Variants in ECPAS observed in about 807,000 individuals in gnomAD.
ECPAS encodes Ecm29 proteasome adaptor and scaffold.
A neutral mutation model predicts 255.1 loss-of-function variants in ECPAS; 70 were observed. The observed-to-expected ratio is 0.27, with a 90% CI of 0.23 to 0.33. The LOEUF is 0.33. Ranked by LOEUF, ECPAS falls within the 10% of genes least tolerant of loss-of-function variation. The pLI is 1.00. For missense variants in ECPAS, 1,817 were observed against 2,206.4 expected, an observed-to-expected ratio of 0.82 and a Z score of 3.54; for synonymous variants, 784 against 775.0, an observed-to-expected ratio of 1.01 and a Z score of -0.19.
Position 111,455,657 on chromosome 9 carries a change from AG to A in ECPAS, c.23-4103del, listed in dbSNP as rs578053429. On this transcript the variant is annotated intron_variant, in intron 2 of 49. Coordinates refer to ENST00000684092, the MANE Select transcript of ECPAS (RefSeq NM_001364929.1). Reference sequence around the variant, plus strand: ...TTATGCTGAACATCAGCTTCCCTTCAGGGCGGAATTTTGGTACATTTTAGGA... The same window carrying A: ...TTATGCTGAACATCAGCTTCCCTTCAGGCGGAATTTTGGTACATTTTAGGA... Among the ~76,000 whole-genome samples, 4 of 152,298 alleles carry A rather than the reference AG, an allele frequency of 2.6e-5. No individual in the cohort carries two copies. The South Asian group carries it at 8.3e-4, about 32-fold the overall frequency.
chr9:111,392,741 A>C (rs750767200), intron 28 of ECPAS, 27 bp downstream of exon 28: 1 of 1,477,014 alleles, frequency 6.8e-7, no homozygotes, highest in Non-Finnish European at 9.4e-7. Context: ...TATGGGCTTG[A>C]ATCTAAAATT....
intron 16 of ECPAS, among the ~76,000 whole-genome samples, chr9:111,419,788 T>A (rs2098210432): frequency 1.3e-5 from 2 of 149,794 alleles, no homozygotes; most frequent in South Asian, 4.2e-4. Context: ...ATATTACACA[T>A]ATATATCTAC....
At chr9:111,483,381 C>G (rs1218825891) in intron 1 of ECPAS, 2 of 290,870 alleles carry the variant, frequency 6.9e-6, no homozygotes, top group Non-Finnish European at 1.0e-5. Flanking sequence ...CCCAGCTCCC[C>G]GTACGCCGCG....
intron 2 of ECPAS, among the ~76,000 whole-genome samples, chr9:111,468,280 A>C (rs2098281929): frequency 6.6e-6 from 1 of 152,200 alleles, no homozygotes; most frequent in Admixed American, 6.5e-5. Flanking sequence ...TCCAATTTAC[A>C]GTTGAGGAAA....
At chr9:111,466,610 AC>A (rs2098279872) in intron 2 of ECPAS, among the ~76,000 whole-genome samples, 12 of 131,044 alleles carry the variant, frequency 9.2e-5, no homozygotes, top group Non-Finnish European at 1.6e-4. Flanking sequence ...AATATAAATA[AC>A]TAAATACACA....
chr9:111,396,950 TG>T (rs1262663350), intron 25 of ECPAS, 79 bp downstream of exon 25: 18 of 1,532,384 alleles, frequency 1.2e-5, no homozygotes, highest in Middle Eastern at 3.4e-4. Context: ...GAATGTGTAA[TG>T]TTTTTGCCTC....
intron 2 of ECPAS, among the ~76,000 whole-genome samples, chr9:111,468,317 C>T (rs2098281971): frequency 1.3e-5 from 2 of 152,074 alleles, no homozygotes; most frequent in Admixed American, 1.3e-4. Flanking sequence ...TTCTGTTGAC[C>T]AAGATTCCAA....
intron 24 of ECPAS, among the ~76,000 whole-genome samples, chr9:111,405,818 A>G (rs1199178758): frequency 2.0e-5 from 3 of 149,814 alleles, no homozygotes; most frequent in Non-Finnish European, 4.4e-5. Context: ...TGATAGAAAT[A>G]CAGAGAAAAA....
Position 111,389,639 on chromosome 9 carries a change from A to G in ECPAS, c.3364T>C (p.Tyr1122His). 6.2e-7 allele frequency: 1 copy of G among 1,613,976 alleles called. No homozygotes were observed. The highest frequency in any genetic ancestry group is 8.5e-7 in the Non-Finnish European group (1 of 1,179,860). The stretch of plus-strand genomic sequence containing the variant: ...AGGTTGGGATCAAACTGGTAACGAT[A>G]AAGTCGAGGAACTAGCTGAGGCAGA... The part of the protein sequence containing the change: ...PFLPQLVPRL[Y>H]RYQFDPNLGI... Residue 1122 changes from tyrosine (Y) to histidine (H), a missense_variant, in exon 31 of 50, where the codon TAT (tyrosine) becomes CAT (histidine). Transcript: ENST00000684092.
At chr9:111,458,297 T>G (rs1330078299) in intron 2 of ECPAS, among the ~76,000 whole-genome samples, 1 of 152,208 alleles carries the variant, frequency 6.6e-6, no homozygotes, top group African/African-American at 2.4e-5. Flanking sequence ...ATAAGAATGT[T>G]GTGAAACATT....
intron 35 of ECPAS, 84 bp from the exon 36 acceptor site, chr9:111,378,814 G>A (rs2098136745): frequency 7.5e-7 from 1 of 1,333,462 alleles, no homozygotes; most frequent in African/African-American, 1.5e-5. Context: ...ATGTTCTGCA[G>A]TTCACTGCAT....
intron 31 of ECPAS, among the ~76,000 whole-genome samples, 197 bp from the exon 32 acceptor site, chr9:111,386,653 TTC>T: frequency 6.6e-6 from 1 of 152,282 alleles, no homozygotes; most frequent in East Asian, 1.9e-4. Context: ...CAGGTGATCA[TTC>T]TAAAATGTAC....
rs1210144979 is a variant in ECPAS, at chr9:111,451,377, A to T, written c.153+48T>A. 3 of 1,517,616 alleles carry T rather than the reference A, an allele frequency of 2.0e-6. No homozygotes were observed. In the East Asian group the frequency reaches 7.3e-5, roughly 37 times the overall value. The allele number at this position is 1,517,616 out of a possible 1,614,324, so 94.0% of individuals were successfully genotyped here. ...ACAGAAAACTCACTTGATAATGTAT[A>T]TTCATTTATTCATCATTTAATTCCC... On this transcript the variant is annotated intron_variant, in intron 3 of 49. Transcript: ENST00000684092.
intron 2 of ECPAS, among the ~76,000 whole-genome samples, chr9:111,470,316 C>T (rs1024657198): frequency 7.0e-6 from 1 of 143,478 alleles, no homozygotes; most frequent in African/African-American, 2.5e-5. Context: ...TTTCCCTGGC[C>T]TTTTTTTTTT....
intron 15 of ECPAS, among the ~76,000 whole-genome samples, 159 bp from the exon 16 acceptor site, chr9:111,420,279 A>G (rs1022716849): frequency 1.3e-5 from 2 of 152,246 alleles, no homozygotes; most frequent in African/African-American, 4.8e-5. Context: ...AAATTAAATA[A>G]ATCATTTGTT....
intron 2 of ECPAS, among the ~76,000 whole-genome samples, chr9:111,452,473 G>A (rs1357007617): frequency 6.6e-6 from 1 of 152,056 alleles, no homozygotes; most frequent in South Asian, 2.1e-4. Flanking sequence ...AGATAAAGAT[G>A]GAAATATTTG....
intron 20 of ECPAS, 108 bp from the exon 21 acceptor site, chr9:111,412,256 G>GA (rs1419154576): frequency 3.2e-5 from 29 of 918,908 alleles, no homozygotes; most frequent in Non-Finnish European, 3.9e-5. Flanking sequence ...TGGATATTGA[G>GA]AAAAAAACAA....
At chr9:111,461,842 G>A (rs1411409018) in intron 2 of ECPAS, among the ~76,000 whole-genome samples, 3 of 152,200 alleles carry the variant, frequency 2.0e-5, no homozygotes, top group Non-Finnish European at 2.9e-5. Flanking sequence ...AGGCAAGGAG[G>A]AGCAAGTCAC....
chr9:111,407,108 A>C (rs1310549031), intron 24 of ECPAS, among the ~76,000 whole-genome samples: 1 of 147,780 alleles, frequency 6.8e-6, no homozygotes, highest in African/African-American at 2.6e-5. Flanking sequence ...TCATTAAAAA[A>C]AAAACAAAAC....
Sources: gnomAD v4.1 joint callset for allele counts (sites outside exome capture counted in the v4.1 genomes callset) on GRCh38, gnomAD v4.1.1 for gene constraint, MANE v1.5 for transcripts, NCBI Gene and HGNC (gene_info 2026-07-23, HGNC 2026-07-21) for gene names.